The following CCDC152 variants were observed in gnomAD, a reference collection of about 807,000 sequenced individuals.
CCDC152 encodes coiled-coil domain containing 152.
A neutral mutation model predicts 38.1 loss-of-function variants in CCDC152; 37 were observed. That is an observed-to-expected ratio of 0.97 (90% CI 0.75 to 1.28). CCDC152 has a LOEUF of 1.28. Among genes scored for constraint, CCDC152 ranks in the 50% most tolerant of loss-of-function variants. The pLI is 0.00. For missense variants in CCDC152, 259 were observed against 292.1 expected (o/e 0.89, Z 0.83); for synonymous variants, 83 against 87.1 (o/e 0.95, Z 0.26).
intron 7 of CCDC152, among the ~76,000 whole-genome samples, chr5:42,797,914 G>C (rs997770345): frequency 5.3e-5 from 8 of 152,028 alleles, no homozygotes; most frequent in Non-Finnish European, 1.0e-4. Flanking sequence ...TTGGCAGGCC[G>C]AGGCGAGCGG....
At chr5:42,777,467 T>A (rs1478226931) in intron 4 of CCDC152, among the ~76,000 whole-genome samples, 74 of 134,746 alleles carry the variant, frequency 5.5e-4, no homozygotes, top group Admixed American at 7.4e-4. Flanking sequence ...CATCTCAATA[T>A]AAAAAAAAAA....
intron 3 of CCDC152, among the ~76,000 whole-genome samples, chr5:42,766,507 C>A (rs945428700): frequency 6.6e-6 from 1 of 152,054 alleles, no homozygotes; most frequent in Non-Finnish European, 1.5e-5. Context: ...TTGGAAGAAA[C>A]CTAAGTGTTC....
chr5:42,796,739 T>C (rs897992326), intron 6 of CCDC152, 90 bp from the exon 7 acceptor site: 8 of 887,710 alleles, frequency 9.0e-6, no homozygotes, highest in Non-Finnish European at 1.3e-5. Flanking sequence ...TTTACTTTTT[T>C]AGGAATGATT....
rs1008588544 is a variant in CCDC152, at chr5:42,800,548, G to A, written c.*767G>A. ...CTCCATCATAAAAAATATGGTTTGAGTCAATATTTCTATGACATAAAATTT... is the reference window on the plus strand; with the variant it reads ...CTCCATCATAAAAAATATGGTTTGAATCAATATTTCTATGACATAAAATTT... On this transcript the variant is annotated 3_prime_UTR_variant, in exon 9 of 9. Transcript: ENST00000361970. 1 of 733,270 alleles carries A rather than the reference G, an allele frequency of 1.4e-6. No individual in the cohort carries two copies. The highest frequency in any genetic ancestry group is 1.8e-5 in the African/African-American group (1 of 56,166). The allele number at this position is 733,270 out of a possible 1,614,324, so 45.4% of individuals were successfully genotyped here. A position where few individuals can be genotyped will look rare whatever the true frequency, so the allele number is the denominator to read the frequency against.
chr5:42,779,362 G>A, intron 4 of CCDC152, 96 bp from the exon 5 acceptor site: 1 of 719,112 alleles, frequency 1.4e-6, no homozygotes, highest in South Asian at 1.6e-5. Flanking sequence ...CATGTTTGTT[G>A]AATGCATACA....
chr5:42,788,967 G>A (rs189521906), intron 6 of CCDC152, among the ~76,000 whole-genome samples: 479 of 152,236 alleles, frequency 3.1e-3, no homozygotes, highest in Non-Finnish European at 5.2e-3. Context: ...AGCAGCAGTG[G>A]CCCACGACAG....
At chr5:42,789,876 C>T (rs972193443) in intron 6 of CCDC152, among the ~76,000 whole-genome samples, 1 of 151,932 alleles carries the variant, frequency 6.6e-6, no homozygotes, top group Non-Finnish European at 1.5e-5. Flanking sequence ...TGTAAAATTA[C>T]CAGAAGAAAG....
intron 6 of CCDC152, among the ~76,000 whole-genome samples, chr5:42,787,687 C>A (rs955487152): frequency 6.6e-6 from 1 of 152,042 alleles, no homozygotes; most frequent in South Asian, 2.1e-4. Flanking sequence ...TGAATTGAAG[C>A]CTTTATCATT....
At chr5:42,759,014 C>A in intron 1 of CCDC152, 106 bp from the exon 2 acceptor site, 1 of 730,730 alleles carries the variant, frequency 1.4e-6, no homozygotes, top group Non-Finnish European at 2.1e-6. Flanking sequence ...AAGTAGGTGC[C>A]CTATGAGTTG....
intron 3 of CCDC152, among the ~76,000 whole-genome samples, chr5:42,767,418 G>A (rs369423711): frequency 6.6e-6 from 1 of 151,896 alleles, no homozygotes; most frequent in African/African-American, 2.4e-5. Flanking sequence ...CATATTTTTG[G>A]TTAATCTTAG....
intron 4 of CCDC152, among the ~76,000 whole-genome samples, chr5:42,775,411 G>C (rs1004946456): frequency 2.6e-5 from 4 of 152,302 alleles, no homozygotes; most frequent in Admixed American, 2.6e-4. Flanking sequence ...AAGGAGTAGA[G>C]TGAAATATTT....
In CCDC152 at chr5:42,801,448, G is replaced by C; in HGVS notation, c.*1667G>C. ...CAACTAGTTAATTAGAATCGAGCTG[G>C]CTTTGTATTATATTAATGAGAAAGA... is the stretch of plus-strand genomic sequence containing the variant. On this transcript the variant is annotated 3_prime_UTR_variant, in exon 9 of 9. Transcript: ENST00000361970. 1 of 746,468 alleles carries C rather than the reference G, an allele frequency of 1.3e-6. No homozygotes were observed. The highest frequency in any genetic ancestry group is 2.1e-6 in the Non-Finnish European group (1 of 465,584). 46.2% of individuals were successfully genotyped at this position (746,468 alleles called of 1,614,324 possible).
chr5:42,762,672 C>A, intron 3 of CCDC152, 124 bp downstream of exon 3: 1 of 644,456 alleles, frequency 1.6e-6, no homozygotes, highest in Non-Finnish European at 2.8e-6. Flanking sequence ...TCCAGATTAT[C>A]ATCTCATTTA....
chr5:42,782,905 C>T lies in CCDC152; in HGVS notation c.328-569C>T, dbSNP rs900868606. 5.3e-5 allele frequency among the ~76,000 whole-genome samples: 8 copies of T among 151,540 alleles called. No individual in the cohort carries two copies. The East Asian group carries it at 7.7e-4, about 15-fold the overall frequency. On this transcript the variant is annotated intron_variant, in intron 5 of 8. Transcript: ENST00000361970. ...TTTTTGAGACAGAGTCTCGCTCTGT[C>T]CCCCAGGCTGGAGTGCAGTGGTGCC...
chr5:42,800,997 G>T lies in CCDC152; in HGVS notation c.*1216G>T. The T allele has an allele frequency of 6.2e-7, 1 of 1,614,122 alleles. No individual in the cohort carries two copies. Among genetic ancestry groups the T allele is most frequent in the South Asian group, 1.1e-5 (1 of 91,082 alleles). ...CCTAGGAGCCAACTCTGAATCTGTG[G>T]GCAATTTACAGAGTAATTGATTTAT... On this transcript the variant is annotated 3_prime_UTR_variant, in exon 9 of 9. Coordinates refer to ENST00000361970, the MANE Select transcript of CCDC152 (RefSeq NM_001134848.2).
intron 3 of CCDC152, among the ~76,000 whole-genome samples, chr5:42,768,749 A>G (rs1432600019): frequency 6.6e-6 from 1 of 152,182 alleles, no homozygotes; most frequent in Non-Finnish European, 1.5e-5. Flanking sequence ...ATACCAAAAC[A>G]ATATAATTTG....
chr5:42,795,656 T>G (rs1415687738), intron 6 of CCDC152, among the ~76,000 whole-genome samples: 4 of 152,230 alleles, frequency 2.6e-5, no homozygotes, highest in Non-Finnish European at 5.9e-5. Context: ...TTCAAAGGTT[T>G]AAATCATACA....
intron 4 of CCDC152, among the ~76,000 whole-genome samples, chr5:42,775,375 T>G (rs1759757451): frequency 6.6e-6 from 1 of 152,188 alleles, no homozygotes; most frequent in Admixed American, 6.5e-5. Context: ...ATACCCAGCT[T>G]CTTCTCAGGA....
chr5:42,758,536 C>A (rs1222466875), intron 1 of CCDC152, among the ~76,000 whole-genome samples: 1 of 152,172 alleles, frequency 6.6e-6, no homozygotes, highest in East Asian at 1.9e-4. Flanking sequence ...TTGACTTTTG[C>A]AAAATAGCCA....
Sources: gnomAD v4.1 joint callset for allele counts (sites outside exome capture counted in the v4.1 genomes callset) on GRCh38, gnomAD v4.1.1 for gene constraint, MANE v1.5 for transcripts, NCBI Gene and HGNC (gene_info 2026-07-23, HGNC 2026-07-21) for gene names.